The following AR variants were observed in gnomAD, a reference collection of about 807,000 sequenced individuals.
AR encodes dihydrotestosterone receptor.
AR carries 8 observed loss-of-function variants against 53.9 expected under a neutral mutation model. The observed-to-expected ratio is 0.15, with a 90% CI of 0.09 to 0.27. The LOEUF (loss-of-function observed/expected upper bound fraction) is 0.27. Among genes scored for constraint, AR ranks in the 10% least tolerant of loss-of-function variants. The pLI is 1.00. For missense variants in AR, 639 were observed against 742.5 expected (o/e 0.86, Z 1.62); for synonymous variants, 359 against 316.4 (o/e 1.13, Z -1.43).
intron 1 of AR, among the ~76,000 whole-genome samples, chrX:67,571,682 A>G (rs967058131): frequency 1.8e-5 from 2 of 111,492 alleles, no homozygotes; most frequent in Non-Finnish European, 3.8e-5. Context: ...GATATTTCCG[A>G]TATTCAAATA....
At chrX:67,614,181 C>T (rs185893463) in intron 1 of AR, among the ~76,000 whole-genome samples, 273 of 111,152 alleles carry the variant, frequency 2.5e-3, no homozygotes, top group African/African-American at 8.4e-3. Context: ...TTTAGGCCAT[C>T]GTGGTTTAAA....
intron 3 of AR, among the ~76,000 whole-genome samples, chrX:67,696,815 T>A (rs2076022815): frequency 9.0e-6 from 1 of 111,680 alleles, no homozygotes; most frequent in Non-Finnish European, 1.9e-5. Context: ...TTCCCACTAC[T>A]GATCCTTCTC....
chrX:67,649,376 T>G, intron 2 of AR, among the ~76,000 whole-genome samples: 1 of 112,303 alleles, frequency 8.9e-6, no homozygotes, highest in Admixed American at 9.5e-5. Context: ...TTATAATCCT[T>G]TGGGTATATA....
chrX:67,555,089 A>G (rs969630032), intron 1 of AR, among the ~76,000 whole-genome samples: 1 of 110,513 alleles, frequency 9.0e-6, no homozygotes, highest in Admixed American at 9.7e-5. Flanking sequence ...AACAAACAAA[A>G]ACCAAACAAC....
intron 1 of AR, among the ~76,000 whole-genome samples, chrX:67,610,824 G>T (rs1310477296): frequency 9.0e-6 from 1 of 111,185 alleles, no homozygotes; most frequent in African/African-American, 3.3e-5. Context: ...ACATCCTTGA[G>T]AGGCAGTATA....
chrX:67,630,467 CT>C (rs1443683502), intron 1 of AR, among the ~76,000 whole-genome samples: 2 of 110,272 alleles, frequency 1.8e-5, no homozygotes, highest in Admixed American at 9.7e-5. Context: ...TAACCCCTGC[CT>C]TTTTTTTGTT....
intron 1 of AR, among the ~76,000 whole-genome samples, chrX:67,642,256 TTAGGCATAAGACA>T (rs1312498935): frequency 8.9e-6 from 1 of 112,193 alleles, no homozygotes; most frequent in East Asian, 2.8e-4. Context: ...TGTTTAATGC[TTAGGCATAAGACA>T]TAGGAATGAC....
At position 67,682,812 on chromosome X, in the gene AR, T is replaced by C. The variant is rs1352118157; in HGVS notation, c.1769-3198T>C. Reference sequence around the variant, plus strand: ...GAAGCAGTCTTGAGAGATTGCCTGTTCCATCCCCTATCTTTGTCCTTAAAC... The same window carrying C: ...GAAGCAGTCTTGAGAGATTGCCTGTCCCATCCCCTATCTTTGTCCTTAAAC... On this transcript the variant is annotated intron_variant, in intron 2 of 7. Coordinates refer to ENST00000374690, the MANE Select transcript of AR (RefSeq NM_000044.6). Among the ~76,000 whole-genome samples the C allele has an allele frequency of 5.4e-5, 6 of 112,087 alleles. No homozygotes were observed. The East Asian group carries it at 1.7e-3, about 31-fold the overall frequency.
chrX:67,640,879 T>A (rs1045548220), intron 1 of AR, among the ~76,000 whole-genome samples: 1 of 111,830 alleles, frequency 8.9e-6, no homozygotes, highest in East Asian at 2.8e-4. Context: ...ATCTTTGAAG[T>A]GCATCCTCAT....
Position 67,544,999 on chromosome X carries a change from T to G in AR, c.-148T>G. ...GTCAGAGCGCTTTTTGCGTGGTTGC[T>G]CCCGCAAGTTTCCTTCTCTGGAGCT... On this transcript the variant is annotated 5_prime_UTR_variant, in exon 1 of 8. Coordinates refer to ENST00000374690, the MANE Select transcript of AR (RefSeq NM_000044.6). 1 of 910,714 alleles carries G rather than the reference T, an allele frequency of 1.1e-6. No individual in the cohort carries two copies. Among genetic ancestry groups the G allele is most frequent in the Non-Finnish European group, 1.5e-6 (1 of 678,501 alleles). The allele number at this position is 910,714 out of a possible 1,213,427, so 75.1% of individuals were successfully genotyped here.
rs758216948 is a variant in AR, at chrX:67,711,481, G to A, written c.1965G>A (p.Glu655=). The part of the protein sequence containing the change: ...EASSTTSPTE[E]TTQKLTVSHI... ...CCAGCACCACCAGCCCCACTGAGGAGACAACCCAGAAGCTGACAGTGTCAC... is the reference window on the plus strand; with the variant it reads ...CCAGCACCACCAGCCCCACTGAGGAAACAACCCAGAAGCTGACAGTGTCAC... Residue 655 remains glutamate (E), a synonymous_variant, in exon 4 of 8, where the codon GAG becomes GAA. Transcript: ENST00000374690. The A allele has an allele frequency of 1.7e-6, 2 of 1,209,820 alleles. No individual in the cohort carries two copies. The highest frequency in any genetic ancestry group is 2.2e-6 in the Non-Finnish European group (2 of 894,554).
chrX:67,615,795 G>A (rs920258728), intron 1 of AR, among the ~76,000 whole-genome samples: 2 of 111,449 alleles, frequency 1.8e-5, no homozygotes, highest in Non-Finnish European at 3.8e-5. Flanking sequence ...GTATCACATG[G>A]TAAATTGAAT....
chrX:67,571,867 T>C (rs1176929698), intron 1 of AR, among the ~76,000 whole-genome samples: 2 of 110,844 alleles, frequency 1.8e-5, no homozygotes, highest in Non-Finnish European at 3.8e-5. Context: ...TATCCTATTT[T>C]ATAATTCAGA....
At chrX:67,718,221 C>T (rs771909074) in intron 5 of AR, among the ~76,000 whole-genome samples, 6 of 111,516 alleles carry the variant, frequency 5.4e-5, no homozygotes, top group East Asian at 2.8e-4. Context: ...ATGTCCCTGT[C>T]GATCTCAGCT....
intron 2 of AR, among the ~76,000 whole-genome samples, chrX:67,683,608 G>A (rs1278270058): frequency 8.9e-6 from 1 of 112,659 alleles, no homozygotes; most frequent in Admixed American, 9.4e-5. Context: ...CCAGCCCACT[G>A]CTCTTTCTCT....
chrX:67,683,397 T>TA (rs200932471), intron 2 of AR, among the ~76,000 whole-genome samples: 2,085 of 103,915 alleles, frequency 0.02, 36 homozygotes, highest in African/African-American at 0.052. Context: ...TCCTTTACAT[T>TA]AAAAAAAAAA....
chrX:67,601,591 A>G (rs1338935518), intron 1 of AR, among the ~76,000 whole-genome samples: 1 of 112,137 alleles, frequency 8.9e-6, no homozygotes, highest in Admixed American at 9.5e-5. Context: ...CCCATAATGT[A>G]TGATAGGTAC....
At chrX:67,671,403 GA>G (rs766054411) in intron 2 of AR, among the ~76,000 whole-genome samples, 2 of 112,608 alleles carry the variant, frequency 1.8e-5, no homozygotes, top group East Asian at 5.6e-4. Flanking sequence ...CTTCTTTTGA[GA>G]AGTGTCTGTT....
intron 1 of AR, among the ~76,000 whole-genome samples, chrX:67,555,184 T>C (rs1930147342): frequency 9.0e-6 from 1 of 111,006 alleles, no homozygotes; most frequent in Admixed American, 9.6e-5. Flanking sequence ...TCTTAAAATG[T>C]AGATATTTTA....
Sources: gnomAD v4.1 joint callset for allele counts (sites outside exome capture counted in the v4.1 genomes callset) on GRCh38, gnomAD v4.1.1 for gene constraint, MANE v1.5 for transcripts, NCBI Gene and HGNC (gene_info 2026-07-23, HGNC 2026-07-21) for gene names.